Variants in COL6A1 observed in about 807,000 individuals in gnomAD.
The protein encoded by COL6A1 is collagen alpha-1(VI) chain.
Under a neutral mutation model 145.6 loss-of-function variants are expected in COL6A1, and 80 were observed. That is an observed-to-expected ratio of 0.55 (90% CI 0.46 to 0.66). The LOEUF is 0.66. Among genes scored for constraint, COL6A1 ranks in the 30% least tolerant of loss-of-function variants. The pLI is 0.00. For missense variants in COL6A1, 1,364 were observed against 1,473.8 expected (o/e 0.93, Z 1.22); for synonymous variants, 638 against 622.8 (o/e 1.02, Z -0.36).
intron 11 of COL6A1, 126 bp from the exon 12 acceptor site, chr21:45,990,132 C>T (rs1403584604): frequency 8.3e-7 from 1 of 1,208,418 alleles, no homozygotes; most frequent in Non-Finnish European, 1.2e-6. Context: ...CCCCATGATT[C>T]TCAGCAGTGA....
intron 6 of COL6A1, 36 bp from the exon 7 acceptor site, chr21:45,987,463 T>G: frequency 1.2e-6 from 2 of 1,612,804 alleles, no homozygotes; most frequent in Non-Finnish European, 1.7e-6. Flanking sequence ...GTCCGTGGCT[T>G]TCCCACTGAC....
intron 34 of COL6A1, 38 bp downstream of exon 34, chr21:46,003,187 G>A: frequency 3.1e-6 from 5 of 1,613,742 alleles, no homozygotes; most frequent in Admixed American, 1.7e-5. Flanking sequence ...GGGGAGGAGG[G>A]CACCGTGGTT....
At chr21:45,982,825 G>A (rs2077715748) in intron 2 of COL6A1, 62 bp downstream of exon 2, 1 of 1,596,916 alleles carries the variant, frequency 6.3e-7, no homozygotes, top group Non-Finnish European at 8.5e-7. Context: ...GGAGGGGTGG[G>A]GGCCCAGGGG....
intron 22 of COL6A1, 42 bp from the exon 23 acceptor site, chr21:45,998,079 G>C: frequency 6.2e-7 from 1 of 1,608,400 alleles, no homozygotes; most frequent in Non-Finnish European, 8.5e-7. Context: ...GGTATCCCAG[G>C]CCAGGCCGAT....
chr21:46,004,053 C>T lies in COL6A1; in HGVS notation c.*40C>T. ...CGGCACCAAACCCTGTCCTCCCACC[C>T]CTCCCCACTCATCACTAAACAGAGT... On this transcript the variant is annotated 3_prime_UTR_variant, in exon 35 of 35. Coordinates refer to ENST00000361866, the MANE Select transcript of COL6A1 (RefSeq NM_001848.3). The T allele has an allele frequency of 2.5e-6, 4 of 1,611,224 alleles. No individual in the cohort carries two copies. The highest frequency in any genetic ancestry group is 1.3e-5 in the African/African-American group (1 of 75,042).
intron 1 of COL6A1, among the ~76,000 whole-genome samples, chr21:45,982,412 G>T (rs1183405653): frequency 6.6e-6 from 1 of 152,188 alleles, no homozygotes; most frequent in African/African-American, 2.4e-5. Flanking sequence ...GGTTGTGAAG[G>T]TTTCTGACTC....
Position 46,002,664 on chromosome 21 carries a change from G to A in COL6A1, c.2388G>A (p.Leu796=). The change falls in exon 33 of 35, where the codon CTG becomes CTA. Residue 796 remains leucine (L), a synonymous_variant. Transcript: ENST00000361866. ...TGGTCAAGGAGAACTATGCAGAGCT[G>A]CTGGAGGATGCCTTCCTGAAGAATG... ...LSLVKENYAE[L]LEDAFLKNVT... is the part of the protein sequence containing the mutation. 1.2e-6 allele frequency: 2 copies of A among 1,613,872 alleles called. No individual in the cohort carries two copies. Among genetic ancestry groups the A allele is most frequent in the Non-Finnish European group, 1.7e-6 (2 of 1,179,970 alleles).
At position 45,992,053 on chromosome 21, in the gene COL6A1, C is replaced by G. The variant is rs369782293; in HGVS notation, c.1163C>G (p.Ser388Trp). 1 of 1,610,020 alleles carries G rather than the reference C, an allele frequency of 6.2e-7. No individual in the cohort carries two copies. Among genetic ancestry groups the G allele is most frequent in the Admixed American group, 1.7e-5 (1 of 59,568 alleles). The stretch of plus-strand genomic sequence containing the variant: ...GGGGAGGCGGGGAGACCAGGGAGCT[C>G]GGGACCATCTGGAGACGAGGTGAGG... ...ADGEAGRPGS[S>W]GPSGDEGQPG... is the part of the protein sequence containing the mutation. The change falls in exon 16 of 35, where the codon TCG (serine) becomes TGG (tryptophan). Residue 388 changes from serine to tryptophan, a missense_variant. Coordinates refer to ENST00000361866, the MANE Select transcript of COL6A1 (RefSeq NM_001848.3).
At position 46,001,988 on chromosome 21, in the gene COL6A1, G is replaced by A; in HGVS notation, c.1984G>A (p.Val662Met). 1.2e-6 allele frequency: 2 copies of A among 1,612,654 alleles called. No homozygotes were observed. Among genetic ancestry groups the A allele is most frequent in the Non-Finnish European group, 1.7e-6 (2 of 1,179,876 alleles). Residue 662 changes from valine to methionine, a missense_variant, in exon 31 of 35, where the codon GTG becomes ATG. By Grantham distance (21) the Val-to-Met change is conservative. This residue lies in a region of COL6A1 where 938 missense variants were observed against 1,003.8 expected (regional missense o/e 0.93). Transcript: ENST00000361866. ...KFEPGQSYAG[V>M]VQYSHSQMQE... ...CGAGCCAGGGCAGTCGTACGCGGGT[G>A]TGGTGCAGTACAGCCACAGCCAGAT...
chr21:45,985,263 GAGAT>G (rs1007813118), intron 3 of COL6A1, among the ~76,000 whole-genome samples: 20 of 151,712 alleles, frequency 1.3e-4, no homozygotes, highest in African/African-American at 4.4e-4. Context: ...CAGAAATAGA[GAGAT>G]AGAGACAGAG....
At chr21:45,989,968 G>T (rs552124936) in intron 11 of COL6A1, among the ~76,000 whole-genome samples, 190 bp downstream of exon 11, 1 of 152,098 alleles carries the variant, frequency 6.6e-6, no homozygotes, top group African/African-American at 2.4e-5. Flanking sequence ...CAGCAAAGGC[G>T]CCTGTGTCAC....
At chr21:46,001,206 C>T in intron 29 of COL6A1, 47 bp from the exon 30 acceptor site, 1 of 1,589,246 alleles carries the variant, frequency 6.3e-7, no homozygotes, top group Non-Finnish European at 8.5e-7. Flanking sequence ...GGGGCCAGGG[C>T]ACTGGAGGGG....
chr21:46,003,184 A>G, intron 34 of COL6A1, 35 bp downstream of exon 34: 1 of 1,613,594 alleles, frequency 6.2e-7, no homozygotes, highest in Non-Finnish European at 8.5e-7. Context: ...CGTGGGGAGG[A>G]GGGCACCGTG....
Position 45,981,886 on chromosome 21 carries a change from G to A in COL6A1, c.36G>A (p.Leu12=). ...CCCGTGCTCTGCTGCCCCTGCTGCT[G>A]CAGGCCTGCTGGACAGCCGCGCAGG... ...RAARALLPLL[L]QACWTAAQDE... is the part of the protein sequence containing the mutation. Residue 12 remains leucine (L), a synonymous_variant, in exon 1 of 35, where the codon CTG becomes CTA. Coordinates refer to ENST00000361866, the MANE Select transcript of COL6A1 (RefSeq NM_001848.3). 6.2e-7 allele frequency: 1 copy of A among 1,603,278 alleles called. No individual in the cohort carries two copies.
rs982027553 is a variant in COL6A1, at chr21:46,003,653, T to C, written c.2727T>C (p.Phe909=). Residue 909 remains phenylalanine (F), a synonymous_variant, in exon 35 of 35, where the codon TTT becomes TTC. Transcript: ENST00000361866. ...ALASAVDAMD[F]INDATDVNDA... ...CCAGTGCCGTCGATGCCATGGACTT[T>C]ATCAACGACGCCACCGACGTCAACG... 1 of 1,613,052 alleles carries C rather than the reference T, an allele frequency of 6.2e-7. No homozygotes were observed. The highest frequency in any genetic ancestry group is 1.6e-4 in the Middle Eastern group (1 of 6,062).
chr21:45,984,853 GACAGAGACAGAA>G (rs1380147951), intron 3 of COL6A1, among the ~76,000 whole-genome samples: 2 of 151,776 alleles, frequency 1.3e-5, no homozygotes, highest in East Asian at 1.9e-4. Flanking sequence ...GACAGAGAGA[GACAGAGACAGAA>G]ACAGAGACAG....
chr21:45,995,356 C>G (rs1278556963), intron 20 of COL6A1, among the ~76,000 whole-genome samples: 2 of 152,220 alleles, frequency 1.3e-5, no homozygotes, highest in African/African-American at 2.4e-5. Flanking sequence ...CATGTGGTCA[C>G]CCAGGACAGG....
In COL6A1 at chr21:46,002,375, A is replaced by G. The variant is rs1490143577; in HGVS notation, c.2224A>G (p.Asn742Asp). 1.3e-6 allele frequency: 2 copies of G among 1,596,768 alleles called. No homozygotes were observed. The highest frequency in any genetic ancestry group is 2.2e-5 in the South Asian group (2 of 89,332). The change falls in exon 32 of 35, where the codon AAC (asparagine) becomes GAC (aspartate). Residue 742 changes from asparagine to aspartate, a missense_variant. By Grantham distance (23) the Asn-to-Asp change is conservative (BLOSUM62 1). Coordinates refer to ENST00000361866, the MANE Select transcript of COL6A1 (RefSeq NM_001848.3). ...CACTCAGAGGGACACCACACCGCTC[A>G]ACGTGCTCTGCAGCCCCGGCATCCA... ...SDTQRDTTPL[N>D]VLCSPGIQVV... is the part of the protein sequence containing the mutation.
At chr21:46,000,137 T>C (rs1276047783) in intron 27 of COL6A1, among the ~76,000 whole-genome samples, 194 bp from the exon 28 acceptor site, 1 of 150,582 alleles carries the variant, frequency 6.6e-6, no homozygotes, top group East Asian at 2.0e-4. Context: ...CTGCGCTGTT[T>C]CTATGACCAC....
Sources: gnomAD v4.1 joint callset for allele counts (sites outside exome capture counted in the v4.1 genomes callset) on GRCh38, gnomAD v4.1.1 for gene constraint, gnomAD v4.1.1 regional missense constraint, MANE v1.5 for transcripts, NCBI Gene and HGNC (gene_info 2026-07-23, HGNC 2026-07-21) for gene names.